FAXC: variants seen among roughly 807,000 people sequenced by gnomAD.
FAXC encodes failed axon connections homolog.
A neutral mutation model predicts 41.9 loss-of-function variants in FAXC; 10 were observed. The ratio of observed to expected loss-of-function variants is 0.24; its 90% CI spans 0.15 to 0.41. The LOEUF (loss-of-function observed/expected upper bound fraction) is 0.41, where lower values mean the gene tolerates loss of function less well. FAXC is among the 10% of genes least tolerant of loss of function. FAXC has a pLI of 1.00. For missense variants in FAXC, 399 were observed against 510.9 expected (o/e 0.78, Z 2.11); for synonymous variants, 183 against 183.8 (o/e 1.00, Z 0.03).
At chr6:99,333,641 G>A in intron 2 of FAXC, 94 bp from the exon 3 acceptor site, 1 of 1,056,352 alleles carries the variant, frequency 9.5e-7, no homozygotes, top group Non-Finnish European at 1.4e-6. Flanking sequence ...CCTTATGTTT[G>A]ATAGTGACAG....
intron 4 of FAXC, among the ~76,000 whole-genome samples, chr6:99,314,012 T>C (rs896855228): frequency 2.6e-5 from 4 of 152,164 alleles, no homozygotes; most frequent in African/African-American, 7.2e-5. Context: ...TTTTCAGAAA[T>C]GAGGTTTTGC....
At chr6:99,320,512 C>T (rs1772546969) in intron 4 of FAXC, among the ~76,000 whole-genome samples, 1 of 151,992 alleles carries the variant, frequency 6.6e-6, no homozygotes, top group African/African-American at 2.4e-5. Context: ...CTCTCTTTAC[C>T]ACCTCCCACC....
chr6:99,322,463 A>G (rs1201051001), intron 4 of FAXC, among the ~76,000 whole-genome samples: 4 of 152,146 alleles, frequency 2.6e-5, no homozygotes, highest in Non-Finnish European at 5.9e-5. Flanking sequence ...TCTACTTCCT[A>G]GCAGAGGTGA....
intron 4 of FAXC, among the ~76,000 whole-genome samples, chr6:99,306,618 T>C (rs1010482956): frequency 5.9e-5 from 9 of 152,108 alleles, no homozygotes; most frequent in Non-Finnish European, 1.5e-5. Flanking sequence ...TAACAACTGA[T>C]ACATTTAAGA....
In FAXC at chr6:99,279,067, T is replaced by A. The variant is rs972434885; in HGVS notation, c.*2097A>T. ...AGGTCTGCAGTCCACCTGTTCATTA[T>A]ATTCATATTTTCAGTCCAGGAGTCT... On this transcript the variant is annotated 3_prime_UTR_variant, in exon 6 of 6. Coordinates refer to ENST00000389677, the MANE Select transcript of FAXC (RefSeq NM_032511.4). 3 of 152,174 alleles carry A rather than the reference T, an allele frequency of 2.0e-5. No homozygotes were observed. The highest frequency in any genetic ancestry group is 4.8e-5 in the African/African-American group (2 of 41,444). 9.4% of individuals were successfully genotyped at this position (152,174 alleles called of 1,614,324 possible). A position where few individuals can be genotyped will look rare whatever the true frequency, so the allele number is the denominator to read the frequency against.
chr6:99,349,195 C>A lies in FAXC; in HGVS notation c.178G>T (p.Asp60Tyr), dbSNP rs1299643110. ...TAAAGGGTTTTCTTCCACCAGGGAT[C>A]GGAGCCCAGCCCTGCCATGATCCCA... ...YGGIMAGLGSDPWWKKTLYLT... is the reference protein window; with the variant it reads ...YGGIMAGLGSYPWWKKTLYLT... Residue 60 changes from aspartate to tyrosine, a missense_variant, in exon 1 of 6, where the codon GAT becomes TAT. Around this residue, in one of 3 missense-constraint regions of FAXC, gnomAD observed 239 missense variants for 352.7 expected, o/e 0.68. Transcript: ENST00000389677. The A allele has an allele frequency of 6.2e-7, 1 of 1,613,792 alleles. No individual in the cohort carries two copies. Among genetic ancestry groups the A allele is most frequent in the African/African-American group, 1.3e-5 (1 of 74,938 alleles).
intron 2 of FAXC, among the ~76,000 whole-genome samples, chr6:99,337,718 A>C (rs1399890538): frequency 6.6e-6 from 1 of 152,222 alleles, no homozygotes; most frequent in Non-Finnish European, 1.5e-5. Context: ...AAATAAAAAG[A>C]TTTTAAAATT....
intron 4 of FAXC, among the ~76,000 whole-genome samples, chr6:99,305,903 T>C (rs1186641821): frequency 1.3e-5 from 2 of 151,972 alleles, no homozygotes; most frequent in Admixed American, 6.6e-5. Flanking sequence ...CAGTGACAAA[T>C]GGAACAGACA....
intron 5 of FAXC, among the ~76,000 whole-genome samples, chr6:99,287,276 A>AAT (rs1562150224): frequency 1.3e-5 from 2 of 152,106 alleles, no homozygotes; most frequent in African/African-American, 4.8e-5. Context: ...CAGCTTAAAA[A>AAT]ATATATATAT....
rs189138534 is a variant in FAXC at position 99,323,744 on chromosome 6, G to A, written c.600-77C>T. The A allele has an allele frequency of 1.6e-4, 182 of 1,125,080 alleles. 1 individual carries two copies. Among genetic ancestry groups the A allele is most frequent in the Non-Finnish European group, 1.4e-4 (109 of 762,362 alleles). The allele number at this position is 1,125,080 out of a possible 1,614,324, so 69.7% of individuals were successfully genotyped here. A position where few individuals can be genotyped will look rare whatever the true frequency, so the allele number is the denominator to read the frequency against. ...CCACAGGGTCACTTTAGAATGAGTCGTTCAGAATTTACTACACTCTGGAGG... is the reference window on the plus strand; with the variant it reads ...CCACAGGGTCACTTTAGAATGAGTCATTCAGAATTTACTACACTCTGGAGG... On this transcript the variant is annotated intron_variant, in intron 3 of 5. Coordinates refer to ENST00000389677, the MANE Select transcript of FAXC (RefSeq NM_032511.4).
chr6:99,328,712 T>C (rs907465791), intron 3 of FAXC, among the ~76,000 whole-genome samples: 2 of 152,154 alleles, frequency 1.3e-5, no homozygotes, highest in African/African-American at 2.4e-5. Context: ...CTGCAAAGCC[T>C]TCCCCCCTTC....
chr6:99,274,000 G>C lies in FAXC; in HGVS notation c.*7164C>G, dbSNP rs1414217459. On this transcript the variant is annotated 3_prime_UTR_variant, in exon 6 of 6. Transcript: ENST00000389677. ...CTGCCTAAATAGGGATGGACGATCT[G>C]GGCTGTCTGCAAACATTTAAAAGAC... The C allele has an allele frequency of 6.6e-6, 1 of 152,008 alleles. No individual in the cohort carries two copies. The highest frequency in any genetic ancestry group is 1.5e-5 in the Non-Finnish European group (1 of 68,008). 9.4% of individuals were successfully genotyped at this position (152,008 alleles called of 1,614,324 possible).
At chr6:99,329,282 C>T (rs968490695) in intron 3 of FAXC, among the ~76,000 whole-genome samples, 12 of 152,114 alleles carry the variant, frequency 7.9e-5, no homozygotes, top group Non-Finnish European at 1.3e-4. Context: ...TATCTTAGAA[C>T]AGAGGAACAA....
chr6:99,343,116 G>GGTT (rs1370933703), intron 1 of FAXC, 83 bp from the exon 2 acceptor site: 3 of 1,245,232 alleles, frequency 2.4e-6, no homozygotes, highest in African/African-American at 1.5e-5. Context: ...GACCCTGCAG[G>GGTT]GTTGTAGCTC....
intron 2 of FAXC, among the ~76,000 whole-genome samples, chr6:99,339,937 CAA>C (rs1282613929): frequency 6.6e-6 from 1 of 151,920 alleles, no homozygotes; most frequent in African/African-American, 2.4e-5. Flanking sequence ...CTCCAGAATT[CAA>C]AAGAGATGAA....
chr6:99,338,729 C>T (rs1221881369), intron 2 of FAXC, among the ~76,000 whole-genome samples: 1 of 152,158 alleles, frequency 6.6e-6, no homozygotes, highest in Non-Finnish European at 1.5e-5. Flanking sequence ...TGCTGACTGC[C>T]AAAACCAAGC....
intron 4 of FAXC, among the ~76,000 whole-genome samples, chr6:99,320,136 G>T (rs957644887): frequency 6.6e-6 from 1 of 152,168 alleles, no homozygotes. Context: ...GACACCAGTT[G>T]TTGGCTTAAT....
At chr6:99,315,436 G>T (rs1412666538) in intron 4 of FAXC, among the ~76,000 whole-genome samples, 1 of 151,988 alleles carries the variant, frequency 6.6e-6, no homozygotes, top group Non-Finnish European at 1.5e-5. Context: ...TCCCTCAGGT[G>T]GCAGCTCTGG....
At chr6:99,282,483 A>G (rs1770876798) in intron 5 of FAXC, among the ~76,000 whole-genome samples, 1 of 152,226 alleles carries the variant, frequency 6.6e-6, no homozygotes, top group African/African-American at 2.4e-5. Context: ...AGCGGTACTC[A>G]GGATCCGGGT....
Sources: allele counts gnomAD v4.1 joint callset (sites outside exome capture counted in the v4.1 genomes callset), GRCh38; gene constraint gnomAD v4.1.1; regional missense constraint gnomAD v4.1.1; transcripts MANE v1.5; gene names NCBI Gene and HGNC (gene_info 2026-07-23, HGNC 2026-07-21).